The following KHSRP variants were observed in gnomAD, a reference collection of about 807,000 sequenced individuals.
KHSRP encodes far upstream element-binding protein 2.
Under a neutral mutation model 94.9 loss-of-function variants are expected in KHSRP, and 13 were observed. That is an observed-to-expected ratio of 0.14 (90% CI 0.09 to 0.22). KHSRP has a LOEUF of 0.22. Ranked by LOEUF, KHSRP falls within the 10% of genes least tolerant of loss-of-function variation. The pLI, the probability that KHSRP is intolerant of heterozygous loss-of-function variation, is 1.00. For missense variants in KHSRP, 710 were observed against 1,010.0 expected, an observed-to-expected ratio of 0.70 and a Z score of 4.03; for synonymous variants, 495 against 401.4, an observed-to-expected ratio of 1.23 and a Z score of -2.79.
At position 6,424,722 on chromosome 19, in the gene KHSRP, G is replaced by GGC; in HGVS notation, c.-23_-22dup. 9.7e-7 allele frequency: 1 copy of GGC among 1,029,092 alleles called. No homozygotes were observed. The highest frequency in any genetic ancestry group is 1.2e-6 in the Non-Finnish European group (1 of 854,500). 63.7% of individuals were successfully genotyped at this position (1,029,092 alleles called of 1,614,324 possible). On this transcript the variant is annotated 5_prime_UTR_variant, in exon 1 of 19. Transcript: ENST00000600480. ...GACATGGCGCGGCGGGGCCGGGCCT[G>GGC]GCGCGGAGGCTGAAGCTGAGGAGGC...
chr19:6,419,787 C>A (rs2092184142), intron 6 of KHSRP, among the ~76,000 whole-genome samples: 1 of 152,218 alleles, frequency 6.6e-6, no homozygotes, highest in Non-Finnish European at 1.5e-5. Context: ...CGCGGCAGGT[C>A]AGTGCAGTGC....
Position 6,416,282 on chromosome 19 carries a change from G to A in KHSRP, c.1598+16C>T, listed in dbSNP as rs2092145505. Reference sequence around the variant, plus strand: ...AAGCCCCCGGCCTCAAAACCCAGGAGGCAGAGGATACTCACTGTGGGGGAG... The same window carrying A: ...AAGCCCCCGGCCTCAAAACCCAGGAAGCAGAGGATACTCACTGTGGGGGAG... On this transcript the variant is annotated intron_variant, in intron 15 of 18. Transcript: ENST00000600480. 6.3e-7 allele frequency: 1 copy of A among 1,580,622 alleles called. No individual in the cohort carries two copies. Among genetic ancestry groups the A allele is most frequent in the Non-Finnish European group, 8.6e-7 (1 of 1,161,856 alleles).
At chr19:6,420,301 G>A (rs748721301) in intron 5 of KHSRP, 121 bp downstream of exon 5, 226 of 1,159,032 alleles carry the variant, frequency 1.9e-4, no homozygotes, top group Middle Eastern at 1.1e-3. Flanking sequence ...ACGAAGGAGG[G>A]ACAAATGAGA....
Position 6,417,775 on chromosome 19 carries a change from G to C in KHSRP, c.1045C>G (p.Gln349Glu). ...TGTATCCGCACGCCAGCATCATTCT[G>C]GATCTTCTTGATCATCTCTCCACTC... ...GRSGEMIKKIQNDAGVRIQFK... is the reference protein window; with the variant it reads ...GRSGEMIKKIENDAGVRIQFK... Residue 349 changes from glutamine to glutamate, a missense_variant, in exon 11 of 19, where the codon CAG becomes GAG. By Grantham distance (29) the Gln-to-Glu change is conservative. Around this residue, in one of 5 missense-constraint regions of KHSRP, gnomAD observed 288 missense variants for 501.1 expected, o/e 0.57. Coordinates refer to ENST00000600480, the MANE Select transcript of KHSRP (RefSeq NM_001366299.1). 1 of 1,613,924 alleles carries C rather than the reference G, an allele frequency of 6.2e-7. No individual in the cohort carries two copies. Among genetic ancestry groups the C allele is most frequent in the Non-Finnish European group, 8.5e-7 (1 of 1,179,826 alleles).
rs1376349791 is a variant in KHSRP at position 6,419,224 on chromosome 19, G to C, written c.584C>G (p.Thr195Arg). 6.3e-7 allele frequency: 1 copy of C among 1,584,862 alleles called. No individual in the cohort carries two copies. The highest frequency in any genetic ancestry group is 8.6e-7 in the Non-Finnish European group (1 of 1,165,750). The change falls in exon 7 of 19, where the codon ACA becomes AGA. Residue 195 changes from threonine to arginine, a missense_variant. Physicochemically the swap from Thr to Arg is moderately conservative, Grantham distance 71. Coordinates refer to ENST00000600480, the MANE Select transcript of KHSRP (RefSeq NM_001366299.1). ...GGLPERSVSLTGAPESVQKAK... is the reference protein window; with the variant it reads ...GGLPERSVSLRGAPESVQKAK... ...TTACTGGACAGATTCTGGGGCTCCT[G>C]TCAAGGACACACTGCGCTCGGGTAG...
chr19:6,415,311 G>GA lies in KHSRP; in HGVS notation c.1967-11dup. ...CCGGTGGCCACTTGCGCTGTGGGTG[G>GA]ACAAAGGCAGGTGAGAGGCTGTGGG... On this transcript the variant is annotated splice_polypyrimidine_tract_variant and intron_variant, in intron 18 of 18. Coordinates refer to ENST00000600480, the MANE Select transcript of KHSRP (RefSeq NM_001366299.1). 6.2e-7 allele frequency: 1 copy of GA among 1,613,470 alleles called. No individual in the cohort carries two copies. Among genetic ancestry groups the GA allele is most frequent in the Non-Finnish European group, 8.5e-7 (1 of 1,179,828 alleles).
rs755570387 is a variant in KHSRP, at chr19:6,415,007, G to A, written c.*17C>T. Reference sequence around the variant, plus strand: ...GACTCCCGGAGACCTCCGGCCACACGGCCCCCGCTGCAGGCATCAAGGGCA... The same window carrying A: ...GACTCCCGGAGACCTCCGGCCACACAGCCCCCGCTGCAGGCATCAAGGGCA... On this transcript the variant is annotated 3_prime_UTR_variant, in exon 19 of 19. Transcript: ENST00000600480. The A allele has an allele frequency of 3.0e-5, 43 of 1,453,138 alleles. No homozygotes were observed. Among genetic ancestry groups the A allele is most frequent in the Middle Eastern group, 2.2e-4 (1 of 4,512 alleles). The allele number at this position is 1,453,138 out of a possible 1,614,324, so 90.0% of individuals were successfully genotyped here.
chr19:6,422,282 G>T, intron 2 of KHSRP, 58 bp downstream of exon 2: 1 of 1,166,372 alleles, frequency 8.6e-7, no homozygotes. Flanking sequence ...TCAAACAAAA[G>T]CACCTCTTTA....
At chr19:6,423,018 G>T (rs977013336) in intron 1 of KHSRP, among the ~76,000 whole-genome samples, 1 of 152,202 alleles carries the variant, frequency 6.6e-6, no homozygotes, top group African/African-American at 2.4e-5. Context: ...TGTGACTTAT[G>T]CCTGTAATCC....
chr19:6,416,868 A>C lies in KHSRP; in HGVS notation c.1197T>G (p.Gly399=), dbSNP rs1206514254. The C allele has an allele frequency of 6.2e-7, 1 of 1,608,812 alleles. No homozygotes were observed. The highest frequency in any genetic ancestry group is 8.5e-7 in the Non-Finnish European group (1 of 1,177,848). ...GGGGCATGCCTGGACCCCCTGGAGG[A>C]CCTGGGGGACCACTCTGCAAGACAA... The part of the protein sequence containing the change: ...LLQSLRSGPP[G]PPGGPGMPPG... The change falls in exon 13 of 19, where the codon GGT becomes GGG. Residue 399 remains glycine, a synonymous_variant. Transcript: ENST00000600480.
Position 6,418,813 on chromosome 19 carries a change from G to C in KHSRP, c.669C>G (p.Phe223Leu). Residue 223 changes from phenylalanine to leucine, a missense_variant, in exon 8 of 19, where the codon TTC becomes TTG. Transcript: ENST00000600480. This position sits in a 1 kb window ranked among gnomAD's most constrained non-coding sequence, Gnocchi z 4.3. The stretch of plus-strand genomic sequence containing the variant: ...TCTGGCCCCCGTTGGCGTTGTCGTG[G>C]AACTGTCCTGGGGGGCCCCCACGAC... ...SRGRGGPPGQ[F>L]HDNANGGQNG... 6.3e-7 allele frequency: 1 copy of C among 1,592,122 alleles called. No individual in the cohort carries two copies. Among genetic ancestry groups the C allele is most frequent in the Non-Finnish European group, 8.5e-7 (1 of 1,172,946 alleles).
In KHSRP at chr19:6,418,936, G is replaced by A; in HGVS notation, c.606-60C>T. The A allele has an allele frequency of 6.8e-7, 1 of 1,471,428 alleles. No homozygotes were observed. Among genetic ancestry groups the A allele is most frequent in the Non-Finnish European group, 9.0e-7 (1 of 1,113,194 alleles). The allele number at this position is 1,471,428 out of a possible 1,614,324, so 91.1% of individuals were successfully genotyped here. On this transcript the variant is annotated intron_variant, in intron 7 of 18. Transcript: ENST00000600480. This position sits in a 1 kb window ranked among gnomAD's most constrained non-coding sequence, Gnocchi z 4.3. The stretch of plus-strand genomic sequence containing the variant: ...CACCGCTGGAGAAAGGTACTGGTCT[G>A]GTGGCCCACCCAGCTCAAAGGGAAG...
chr19:6,422,894 C>A (rs527760657), intron 1 of KHSRP, among the ~76,000 whole-genome samples: 2 of 152,172 alleles, frequency 1.3e-5, no homozygotes, highest in Admixed American at 6.6e-5. Flanking sequence ...CTATCTCCCC[C>A]ACTCTCAAAA....
intron 1 of KHSRP, 86 bp downstream of exon 1, chr19:6,424,367 T>C (rs1374007719): frequency 1.5e-4 from 91 of 623,092 alleles, no homozygotes; most frequent in Non-Finnish European, 1.7e-4. Flanking sequence ...TCCGCGACCC[T>C]GCGCGCGCGC....
Position 6,413,494 on chromosome 19 carries a change from G to A in KHSRP, c.*1530C>T, listed in dbSNP as rs142423316. On this transcript the variant is annotated 3_prime_UTR_variant, in exon 19 of 19. Coordinates refer to ENST00000600480, the MANE Select transcript of KHSRP (RefSeq NM_001366299.1). ...AAAGACAACAGACCAGTCCTGGGAG[G>A]GGGGACGGGCGGGGCCGCGGGAGCT... 1.4e-3 allele frequency: 512 copies of A among 359,886 alleles called. 3 individuals are homozygous for A. The highest frequency in any genetic ancestry group is 0.01 in the African/African-American group (469 of 45,874). The allele number at this position is 359,886 out of a possible 1,614,324, so 22.3% of individuals were successfully genotyped here. A position where few individuals can be genotyped will look rare whatever the true frequency, so the allele number is the denominator to read the frequency against.
intron 4 of KHSRP, 49 bp from the exon 5 acceptor site, chr19:6,420,520 G>C: frequency 6.4e-7 from 1 of 1,567,276 alleles, no homozygotes; most frequent in Non-Finnish European, 8.8e-7. Context: ...AAGGGAGGAG[G>C]ACAGCAGCTC....
At position 6,421,333 on chromosome 19, in the gene KHSRP, C is replaced by A. The variant is rs756740850; in HGVS notation, c.386-16G>T. 1 of 1,583,806 alleles carries A rather than the reference C, an allele frequency of 6.3e-7. No homozygotes were observed. The highest frequency in any genetic ancestry group is 8.6e-7 in the Non-Finnish European group (1 of 1,165,452). On this transcript the variant is annotated splice_polypyrimidine_tract_variant and intron_variant, in intron 3 of 18. Transcript: ENST00000600480. Reference sequence around the variant, plus strand: ...GAACTGATTGCTGTAGAGAGAAAACCCAAAGCAAAGACTGGCTTAGCTCCT... The same window carrying A: ...GAACTGATTGCTGTAGAGAGAAAACACAAAGCAAAGACTGGCTTAGCTCCT...
In KHSRP at chr19:6,417,045, G is replaced by C; in HGVS notation, c.1124C>G (p.Pro375Arg). 1 of 1,613,448 alleles carries C rather than the reference G, an allele frequency of 6.2e-7. No individual in the cohort carries two copies. Residue 375 changes from proline (P) to arginine (R), a missense_variant, in exon 12 of 19, where the codon CCC (proline) becomes CGC (arginine). Physicochemically the swap from Pro to Arg is moderately radical, Grantham distance 103. Coordinates refer to ENST00000600480, the MANE Select transcript of KHSRP (RefSeq NM_001366299.1). ...GGCTGCGTGCTCGCACCTGTCTGGG[G>C]GCCCCATTATATGAGCAATCTTCTC... ...GPEKIAHIMG[P>R]PDRCEHAARI... is the part of the protein sequence containing the mutation.
In KHSRP at chr19:6,418,805, T is replaced by C. The variant is rs2092174134; in HGVS notation, c.677A>G (p.Asn226Ser). ...RGGPPGQFHD[N>S]ANGGQNGTVQ... ...GGTGCCGTTCTGGCCCCCGTTGGCG[T>C]TGTCGTGGAACTGTCCTGGGGGGCC... The change falls in exon 8 of 19, where the codon AAC becomes AGC. Residue 226 changes from asparagine (N) to serine (S), a missense_variant. Asn to Ser is a conservative substitution (Grantham distance 46). Coordinates refer to ENST00000600480, the MANE Select transcript of KHSRP (RefSeq NM_001366299.1). This position sits in a 1 kb window ranked among gnomAD's most constrained non-coding sequence, Gnocchi z 4.3. The C allele has an allele frequency of 1.3e-6, 2 of 1,596,106 alleles. No homozygotes were observed. The highest frequency in any genetic ancestry group is 1.7e-6 in the Non-Finnish European group (2 of 1,174,598).
Sources: allele counts gnomAD v4.1 joint callset (sites outside exome capture counted in the v4.1 genomes callset), GRCh38; gene constraint gnomAD v4.1.1; regional missense constraint gnomAD v4.1.1; non-coding constraint Gnocchi (gnomAD v3.1); transcripts MANE v1.5; gene names NCBI Gene and HGNC (gene_info 2026-07-23, HGNC 2026-07-21).